ZNF592: variants seen among roughly 807,000 people sequenced by gnomAD.
ZNF592 encodes zinc finger protein 592.
ZNF592 carries 11 observed loss-of-function variants against 80.3 expected under a neutral mutation model. The observed-to-expected ratio is 0.14, with a 90% CI of 0.09 to 0.23. ZNF592 has a LOEUF of 0.23. Ranked by LOEUF, ZNF592 falls within the 10% of genes least tolerant of loss-of-function variation. The pLI is 1.00. For missense variants in ZNF592, 1,420 were observed against 1,633.9 expected (o/e 0.87, Z 2.26); for synonymous variants, 646 against 640.3 (o/e 1.01, Z -0.13).
Position 84,784,936 on chromosome 15 carries a change from TCA to T in ZNF592, c.2220+46_2220+47del. The T allele has an allele frequency of 6.2e-7, 1 of 1,610,998 alleles. No individual in the cohort carries two copies. ...CTGTTACGGGTATCGGGCCCCTGGC[TCA>T]CACAGGTTCCATGACTGGGCATGGA... On this transcript the variant is annotated intron_variant, in intron 4 of 10. Transcript: ENST00000560079. This position sits in a 1 kb window ranked among gnomAD's most constrained non-coding sequence, Gnocchi z 5.8.
intron 1 of ZNF592, among the ~76,000 whole-genome samples, chr15:84,749,349 G>A (rs1220172558): frequency 6.6e-6 from 1 of 152,228 alleles, no homozygotes; most frequent in African/African-American, 2.4e-5. Context: ...GAGAGCGTCT[G>A]CTGGACAGAT....
chr15:84,782,373 C>T (rs546405056), intron 3 of ZNF592, among the ~76,000 whole-genome samples: 2 of 152,298 alleles, frequency 1.3e-5, no homozygotes, highest in Admixed American at 6.5e-5. Context: ...AGTATACTCT[C>T]TGTGGCTTTG....
chr15:84,777,491 G>GA (rs918971496), intron 2 of ZNF592, among the ~76,000 whole-genome samples: 24 of 140,150 alleles, frequency 1.7e-4, no homozygotes, highest in South Asian at 9.2e-4. Context: ...AAAAAAAAAA[G>GA]AAAAAAAAAA....
Position 84,804,714 on chromosome 15 carries a change from C to T in ZNF592, c.*2321C>T, listed in dbSNP as rs1475353459. Reference sequence around the variant, plus strand: ...TGACCTTAGGGCATGGAGGGTGGAGCACATTTTGTCTGCTGTTTGGACTTG... The same window carrying T: ...TGACCTTAGGGCATGGAGGGTGGAGTACATTTTGTCTGCTGTTTGGACTTG... On this transcript the variant is annotated 3_prime_UTR_variant, in exon 11 of 11. Coordinates refer to ENST00000560079, the MANE Select transcript of ZNF592 (RefSeq NM_014630.3). 2 of 152,208 alleles carry T rather than the reference C, an allele frequency of 1.3e-5. No homozygotes were observed. The highest frequency in any genetic ancestry group is 2.9e-5 in the Non-Finnish European group (2 of 68,044). The allele number at this position is 152,208 out of a possible 1,614,324, so 9.4% of individuals were successfully genotyped here.
chr15:84,783,356 A>G lies in ZNF592; in HGVS notation c.681A>G (p.Glu227=). 6.2e-7 allele frequency: 1 copy of G among 1,614,194 alleles called. No individual in the cohort carries two copies. The highest frequency in any genetic ancestry group is 8.5e-7 in the Non-Finnish European group (1 of 1,180,040). Residue 227 remains glutamate (E), a synonymous_variant, in exon 4 of 11, where the codon GAA becomes GAG. Transcript: ENST00000560079. This position sits in a 1 kb window ranked among gnomAD's most constrained non-coding sequence, Gnocchi z 5.0. ...EHEQSGQNTV[E]PHKDPDATRF... ...AGCAAAGTGGGCAGAACACAGTGGA[A>G]CCTCACAAGGATCCGGATGCCACTC... is the stretch of plus-strand genomic sequence containing the variant.
At chr15:84,781,927 C>A (rs1281356614) in intron 3 of ZNF592, among the ~76,000 whole-genome samples, 2 of 152,140 alleles carry the variant, frequency 1.3e-5, no homozygotes, top group Non-Finnish European at 2.9e-5. Flanking sequence ...GTATATTAGT[C>A]AAAATAGAAT....
At position 84,799,749 on chromosome 15, in the gene ZNF592, T is replaced by C. The variant is rs2141525858; in HGVS notation, c.3138-93T>C. The C allele has an allele frequency of 6.3e-7, 1 of 1,578,500 alleles. No homozygotes were observed. Among genetic ancestry groups the C allele is most frequent in the Non-Finnish European group, 8.6e-7 (1 of 1,158,236 alleles). On this transcript the variant is annotated intron_variant, in intron 9 of 10. Transcript: ENST00000560079. This position sits in a 1 kb window ranked among gnomAD's most constrained non-coding sequence, Gnocchi z 4.2. ...AGCACTAGCCAGCCCAGGAGTCTGCTCCAGACTCCCTCCTTCCTGGCCTTG... is the reference window on the plus strand; with the variant it reads ...AGCACTAGCCAGCCCAGGAGTCTGCCCCAGACTCCCTCCTTCCTGGCCTTG...
At chr15:84,748,690 G>T in intron 1 of ZNF592, 26 bp downstream of exon 1, 2 of 148,070 alleles carry the variant, frequency 1.4e-5, no homozygotes, top group South Asian at 3.6e-4. Context: ...GGGCCGGGCC[G>T]AGCGGGGCCT....
chr15:84,771,662 T>C (rs982958561), intron 2 of ZNF592, among the ~76,000 whole-genome samples: 3 of 152,140 alleles, frequency 2.0e-5, no homozygotes, highest in Non-Finnish European at 4.4e-5. Context: ...AAACGTTTTT[T>C]TTGTTTGTTT....
rs1567076419 is a variant in ZNF592, at chr15:84,796,290, TATATAAAA to T, written c.2400-1577_2400-1570del. 8.4e-4 allele frequency among the ~76,000 whole-genome samples: 44 copies of T among 52,508 alleles called. 3 individuals carry two copies. Among genetic ancestry groups the T allele is most frequent in the African/African-American group, 1.6e-3 (15 of 9,098 alleles). 34.4% of individuals were successfully genotyped at this position (52,508 alleles called of 152,430 possible). ...TTTTATATATATATATATATATATA[TATATAAAA>T]AAACGAAGGGTAACATTCAGGAGTC... is the stretch of plus-strand genomic sequence containing the variant. On this transcript the variant is annotated intron_variant, in intron 5 of 10. Transcript: ENST00000560079.
intron 5 of ZNF592, among the ~76,000 whole-genome samples, chr15:84,792,328 C>T (rs1389109611): frequency 6.6e-6 from 1 of 151,976 alleles, no homozygotes; most frequent in Admixed American, 6.6e-5. Flanking sequence ...CATTGAGGAG[C>T]TACAGAAGGA....
chr15:84,777,480 A>G (rs1200707796), intron 2 of ZNF592, among the ~76,000 whole-genome samples: 1 of 151,516 alleles, frequency 6.6e-6, no homozygotes, highest in Non-Finnish European at 1.5e-5. Flanking sequence ...CGTCTCAAAA[A>G]AAAAAAAAAA....
intron 10 of ZNF592, among the ~76,000 whole-genome samples, chr15:84,800,453 A>G (rs569795142): frequency 4.6e-5 from 7 of 152,150 alleles, no homozygotes; most frequent in African/African-American, 1.7e-4. Context: ...TCCATGCCCT[A>G]TTCTGATTTC....
At chr15:84,796,248 A>ATATATATATATATATTT (rs1962907063) in intron 5 of ZNF592, among the ~76,000 whole-genome samples, 1 of 30,774 alleles carries the variant, frequency 3.2e-5, no homozygotes, top group Non-Finnish European at 5.0e-5. Context: ...AAATATATAT[A>ATATATATATATATATTT]TATATATATA....
chr15:84,765,891 G>A lies in ZNF592; in HGVS notation c.-150+1076G>A, dbSNP rs1899502077. 2.0e-5 allele frequency among the ~76,000 whole-genome samples: 3 copies of A among 151,910 alleles called. No individual in the cohort carries two copies. In the South Asian group the frequency reaches 6.2e-4, roughly 32 times the overall value. Reference sequence around the variant, plus strand: ...ATGAGTGTGTGATTGGACCCATAAAGTCTACTAGCCAAGGGGTGGGTCCCT... The same window carrying A: ...ATGAGTGTGTGATTGGACCCATAAAATCTACTAGCCAAGGGGTGGGTCCCT... On this transcript the variant is annotated intron_variant, in intron 2 of 10. Coordinates refer to ENST00000560079, the MANE Select transcript of ZNF592 (RefSeq NM_014630.3).
At chr15:84,791,787 A>G (rs917173614) in intron 5 of ZNF592, among the ~76,000 whole-genome samples, 3 of 152,324 alleles carry the variant, frequency 2.0e-5, no homozygotes, top group Admixed American at 6.5e-5. Flanking sequence ...AGAAGGGGAA[A>G]CCATACCTGG....
chr15:84,767,502 C>G (rs887350202), intron 2 of ZNF592, among the ~76,000 whole-genome samples: 1 of 152,136 alleles, frequency 6.6e-6, no homozygotes, highest in Non-Finnish European at 1.5e-5. Flanking sequence ...GTCCTGTCCC[C>G]CTTTTTCTCA....
Position 84,784,917 on chromosome 15 carries a change from C to T in ZNF592, c.2220+22C>T, listed in dbSNP as rs76222775. On this transcript the variant is annotated intron_variant, in intron 4 of 10. Coordinates refer to ENST00000560079, the MANE Select transcript of ZNF592 (RefSeq NM_014630.3). This position sits in a 1 kb window ranked among gnomAD's most constrained non-coding sequence, Gnocchi z 5.8. ...GCTGGTAAGCAGACCCTCACTGTTA[C>T]GGGTATCGGGCCCCTGGCTCACACA... is the stretch of plus-strand genomic sequence containing the variant. 17,958 of 1,613,766 alleles carry T rather than the reference C, an allele frequency of 0.011. 219 individuals are homozygous for T. Among genetic ancestry groups the T allele is most frequent in the African/African-American group, 0.058 (4,358 of 75,006 alleles).
rs765572368 is a variant in ZNF592 at position 84,799,147 on chromosome 15, C to A, written c.3074C>A (p.Pro1025His). Residue 1025 changes from proline (P) to histidine (H), a missense_variant, in exon 9 of 11, where the codon CCC (proline) becomes CAC (histidine). Pro to His is a moderately conservative substitution (Grantham distance 77). Around this residue, in one of 7 missense-constraint regions of ZNF592, gnomAD observed 331 missense variants for 347.0 expected, o/e 0.95. Transcript: ENST00000560079. This position sits in a 1 kb window ranked among gnomAD's most constrained non-coding sequence, Gnocchi z 4.2. ...CAGTGTGAACAGTCCTTCCACACCC[C>A]CAACAGCCTGCGCAAACACATCCGC... ...CRQCEQSFHT[P>H]NSLRKHIRNN... 1 of 1,614,142 alleles carries A rather than the reference C, an allele frequency of 6.2e-7. No individual in the cohort carries two copies. The highest frequency in any genetic ancestry group is 1.7e-5 in the Admixed American group (1 of 60,020).
Sources: allele counts gnomAD v4.1 joint callset (sites outside exome capture counted in the v4.1 genomes callset), GRCh38; gene constraint gnomAD v4.1.1; regional missense constraint gnomAD v4.1.1; non-coding constraint Gnocchi (gnomAD v3.1); transcripts MANE v1.5; gene names NCBI Gene and HGNC (gene_info 2026-07-23, HGNC 2026-07-21).